The following KY variants were observed in gnomAD, a reference collection of about 807,000 sequenced individuals.
KY encodes the protein kyphoscoliosis peptidase.
In KY, 43 loss-of-function variants were observed where a neutral mutation model predicts 76.1. The ratio of observed to expected loss-of-function variants is 0.57; its 90% CI spans 0.44 to 0.73. The LOEUF is 0.73. Ranked by LOEUF, KY falls within the 30% of genes least tolerant of loss-of-function variation. The probability of loss-of-function intolerance (pLI) is 0.00; values close to 1 mark genes in which losing one functional copy is unlikely to be tolerated. For missense variants in KY, 722 were observed against 828.9 expected, an observed-to-expected ratio of 0.87 and a Z score of 1.58; for synonymous variants, 277 against 326.2, an observed-to-expected ratio of 0.85 and a Z score of 1.63.
rs776387654 is a variant in KY, at chr3:134,603,724, G to A, written c.1841C>T (p.Thr614Ile). The A allele has an allele frequency of 1.2e-6, 2 of 1,613,702 alleles. No homozygotes were observed. The change falls in exon 11 of 11, where the codon ACA becomes ATA. Residue 614 changes from threonine to isoleucine, a missense_variant. Physicochemically the swap from Thr to Ile is moderately conservative, Grantham distance 89 (BLOSUM62 -1). Coordinates refer to ENST00000423778, the MANE Select transcript of KY (RefSeq NM_178554.6). ...CTCGTGGTTCAGGGTCAGGGGCCAT[G>A]TGTCCTGCCCCTTCACCAGGACTTT... ...IAKVLVKGQD[T>I]WPLTLNHEGY...
chr3:134,622,892 T>G (rs1962880957), intron 6 of KY, among the ~76,000 whole-genome samples: 1 of 152,178 alleles, frequency 6.6e-6, no homozygotes, highest in Non-Finnish European at 1.5e-5. Flanking sequence ...AACATCTCAC[T>G]GCTCACAAGA....
chr3:134,604,022 G>A lies in KY; in HGVS notation c.1543C>T (p.Leu515=), dbSNP rs529623933. 1.2e-5 allele frequency: 19 copies of A among 1,614,028 alleles called. No individual in the cohort carries two copies. In the African/African-American group the frequency reaches 2.5e-4, roughly 22 times the overall value. ...EETQRRYIFQ[L]HREKQTELKV... Reference sequence around the variant, plus strand: ...AGCTCGGTCTGCTTCTCCCGGTGCAGCTGGAAGATGTAGCGCCGCTGTGTC... The same window carrying A: ...AGCTCGGTCTGCTTCTCCCGGTGCAACTGGAAGATGTAGCGCCGCTGTGTC... Residue 515 remains leucine, a synonymous_variant, in exon 11 of 11, where the codon CTG becomes TTG. Coordinates refer to ENST00000423778, the MANE Select transcript of KY (RefSeq NM_178554.6).
At chr3:134,619,021 T>C (rs575669492) in intron 8 of KY, 127 bp downstream of exon 8, 6 of 731,228 alleles carry the variant, frequency 8.2e-6, no homozygotes, top group South Asian at 7.8e-5. Flanking sequence ...CAGGACTCAC[T>C]TGGGTTCCAG....
intron 3 of KY, among the ~76,000 whole-genome samples, chr3:134,640,348 G>A (rs1204236765): frequency 6.6e-6 from 1 of 152,118 alleles, no homozygotes; most frequent in Non-Finnish European, 1.5e-5. Flanking sequence ...TCAACTTCTG[G>A]GTCTGGTATG....
chr3:134,626,410 C>T (rs974943695), intron 5 of KY, among the ~76,000 whole-genome samples: 29 of 152,206 alleles, frequency 1.9e-4, no homozygotes, highest in African/African-American at 6.8e-4. Context: ...TGGCCTCAGG[C>T]ACACATCTGT....
chr3:134,620,422 T>G (rs543927462), intron 7 of KY, among the ~76,000 whole-genome samples: 42 of 152,282 alleles, frequency 2.8e-4, no homozygotes, highest in African/African-American at 9.1e-4. Context: ...GACCTGTTGC[T>G]CTGGGCTCTC....
At chr3:134,633,978 G>A (rs756086201) in intron 3 of KY, among the ~76,000 whole-genome samples, 1 of 152,060 alleles carries the variant, frequency 6.6e-6, no homozygotes. Context: ...AATTGGAGAT[G>A]GCATTTAAAA....
intron 8 of KY, among the ~76,000 whole-genome samples, chr3:134,615,032 C>A (rs1462238360): frequency 6.6e-6 from 1 of 152,226 alleles, no homozygotes; most frequent in African/African-American, 2.4e-5. Context: ...ACAAACAAAC[C>A]ATGACTTATC....
chr3:134,650,863 T>G lies in KY; in HGVS notation c.98A>C (p.Gln33Pro). The G allele has an allele frequency of 6.2e-7, 1 of 1,609,960 alleles. No homozygotes were observed. Among genetic ancestry groups the G allele is most frequent in the Non-Finnish European group, 8.5e-7 (1 of 1,177,902 alleles). Residue 33 changes from glutamine to proline, a missense_variant, in exon 1 of 11, where the codon CAG (glutamine) becomes CCG (proline). Physicochemically the swap from Gln to Pro is moderately conservative, Grantham distance 76. Coordinates refer to ENST00000423778, the MANE Select transcript of KY (RefSeq NM_178554.6). The part of the protein sequence containing the change: ...RRAAQGTLSD[Q>P]QANPSSLLQR... Reference sequence around the variant, plus strand: ...CAGCAGCGAGCTCGGGTTCGCCTGCTGGTCTGAGAGCGTACCCTGTGCGGC... The same window carrying G: ...CAGCAGCGAGCTCGGGTTCGCCTGCGGGTCTGAGAGCGTACCCTGTGCGGC...
intron 3 of KY, among the ~76,000 whole-genome samples, chr3:134,630,050 C>T (rs563503412): frequency 4.1e-4 from 63 of 152,302 alleles, no homozygotes; most frequent in African/African-American, 1.4e-3. Flanking sequence ...AGTGAATTTA[C>T]CATTCTTCTT....
chr3:134,619,457 G>C (rs1962192154), intron 7 of KY, among the ~76,000 whole-genome samples, 192 bp from the exon 8 acceptor site: 3 of 152,230 alleles, frequency 2.0e-5, no homozygotes, highest in Admixed American at 2.0e-4. Flanking sequence ...GGAAGAGCAG[G>C]CCTTGGCAGA....
At chr3:134,623,728 G>A (rs1267525637) in intron 6 of KY, among the ~76,000 whole-genome samples, 2 of 152,092 alleles carry the variant, frequency 1.3e-5, no homozygotes, top group Non-Finnish European at 2.9e-5. Flanking sequence ...TGGAGGTAAG[G>A]TGCACTTTGA....
At chr3:134,649,140 A>G (rs1318983987) in intron 1 of KY, among the ~76,000 whole-genome samples, 3 of 151,794 alleles carry the variant, frequency 2.0e-5, no homozygotes, top group African/African-American at 7.3e-5. Flanking sequence ...AGATCTCTAC[A>G]CTGTCATTCA....
chr3:134,642,985 T>C (rs1390938884), intron 3 of KY, among the ~76,000 whole-genome samples: 1 of 152,190 alleles, frequency 6.6e-6, no homozygotes, highest in Non-Finnish European at 1.5e-5. Context: ...ATAAGTGGCT[T>C]GGCAGGGTGT....
chr3:134,612,231 G>A (rs1960611897), intron 8 of KY, among the ~76,000 whole-genome samples: 1 of 152,192 alleles, frequency 6.6e-6, no homozygotes, highest in African/African-American at 2.4e-5. Flanking sequence ...TGGCTCTGTG[G>A]GATGGCTTCT....
intron 8 of KY, among the ~76,000 whole-genome samples, chr3:134,614,599 T>C (rs1961165411): frequency 6.6e-6 from 1 of 152,014 alleles, no homozygotes; most frequent in Non-Finnish European, 1.5e-5. Flanking sequence ...CAGAAGGCAA[T>C]GTCATTACCT....
intron 3 of KY, among the ~76,000 whole-genome samples, chr3:134,630,109 GA>G (rs1964020967): frequency 6.6e-6 from 1 of 152,354 alleles, no homozygotes; most frequent in Admixed American, 6.5e-5. Context: ...CCCAAACCCA[GA>G]AGGGTACAGT....
At chr3:134,641,491 A>G (rs1412017537) in intron 3 of KY, among the ~76,000 whole-genome samples, 4 of 152,166 alleles carry the variant, frequency 2.6e-5, no homozygotes, top group African/African-American at 7.2e-5. Context: ...GCCACAAGCC[A>G]TGGTGGGCCT....
intron 7 of KY, 91 bp downstream of exon 7, chr3:134,620,656 ACT>A (rs1962447308): frequency 1.2e-6 from 1 of 854,738 alleles, no homozygotes. Flanking sequence ...CTTTCATGTC[ACT>A]CTGCACACGT....
Sources: gnomAD v4.1 joint callset for allele counts (sites outside exome capture counted in the v4.1 genomes callset) on GRCh38, gnomAD v4.1.1 for gene constraint, MANE v1.5 for transcripts, NCBI Gene and HGNC (gene_info 2026-07-23, HGNC 2026-07-21) for gene names.